Variants in MARCHF10 observed in about 807,000 individuals in gnomAD.
The protein encoded by MARCHF10 is probable E3 ubiquitin-protein ligase MARCHF10.
MARCHF10 carries 64 observed loss-of-function variants against 76.2 expected under a neutral mutation model. The observed-to-expected ratio is 0.84, with a 90% CI of 0.69 to 1.03. The LOEUF (loss-of-function observed/expected upper bound fraction) is 1.03. MARCHF10 is among the 50% of genes least tolerant of loss of function. The pLI, the probability that MARCHF10 is intolerant of heterozygous loss-of-function variation, is 0.00. For missense variants in MARCHF10, 875 were observed against 958.0 expected, an observed-to-expected ratio of 0.91 and a Z score of 1.14; for synonymous variants, 340 against 357.5, an observed-to-expected ratio of 0.95 and a Z score of 0.55.
chr17:62,793,458 CACCATCACCACCACCAT>C (rs2092916208), intron 2 of MARCHF10, among the ~76,000 whole-genome samples: 1 of 140,724 alleles, frequency 7.1e-6, no homozygotes, highest in Non-Finnish European at 1.6e-5. Flanking sequence ...CCATCACCAC[CACCATCACCACCACCAT>C]CACCACCACC....
At chr17:62,790,777 A>G (rs2092828720) in intron 2 of MARCHF10, among the ~76,000 whole-genome samples, 1 of 152,188 alleles carries the variant, frequency 6.6e-6, no homozygotes, top group South Asian at 2.1e-4. Context: ...AAGAATAGAA[A>G]TGACCCGATA....
intron 6 of MARCHF10, among the ~76,000 whole-genome samples, chr17:62,731,572 A>G (rs1568124529): frequency 6.6e-6 from 1 of 152,140 alleles, no homozygotes. Flanking sequence ...GCCAAGAATT[A>G]CTAATGACAA....
At chr17:62,737,689 C>A in intron 5 of MARCHF10, 2 of 209,222 alleles carry the variant, frequency 9.6e-6, no homozygotes, top group Non-Finnish European at 1.9e-5. Context: ...AAAGGGAAAA[C>A]CACCACTCTG....
intron 4 of MARCHF10, among the ~76,000 whole-genome samples, chr17:62,749,313 G>A (rs1243860815): frequency 6.6e-6 from 1 of 152,190 alleles, no homozygotes; most frequent in Non-Finnish European, 1.5e-5. Context: ...GTCATCCACA[G>A]ATAGTTCTTT....
intron 2 of MARCHF10, 59 bp from the exon 3 acceptor site, chr17:62,788,658 T>C (rs2092786852): frequency 1.9e-6 from 3 of 1,606,530 alleles, no homozygotes; most frequent in African/African-American, 2.7e-5. Flanking sequence ...TGGGTAACTT[T>C]ATGCTTAACT....
intron 3 of MARCHF10, among the ~76,000 whole-genome samples, chr17:62,779,100 G>A (rs1246001460): frequency 6.6e-6 from 1 of 152,258 alleles, no homozygotes; most frequent in East Asian, 1.9e-4. Context: ...GCAGAGCTGC[G>A]TTCTTACCCA....
chr17:62,807,601 A>G (rs2093182449), intron 1 of MARCHF10, among the ~76,000 whole-genome samples: 1 of 152,084 alleles, frequency 6.6e-6, no homozygotes, highest in Non-Finnish European at 1.5e-5. Context: ...CTTCTTTACA[A>G]ATAATTTAAA....
chr17:62,706,186 G>A (rs1206956911), intron 9 of MARCHF10: 2 of 152,940 alleles, frequency 1.3e-5, no homozygotes, highest in African/African-American at 4.8e-5. Flanking sequence ...ACAAAACAAG[G>A]GGTGCTGGAC....
intron 2 of MARCHF10, among the ~76,000 whole-genome samples, chr17:62,795,981 G>C (rs1166649628): frequency 6.6e-6 from 1 of 151,960 alleles, no homozygotes; most frequent in Non-Finnish European, 1.5e-5. Flanking sequence ...GAGTTACTGA[G>C]GGGTCACTAA....
At chr17:62,797,668 GT>G (rs1189656483) in intron 2 of MARCHF10, among the ~76,000 whole-genome samples, 1 of 152,188 alleles carries the variant, frequency 6.6e-6, no homozygotes, top group Non-Finnish European at 1.5e-5. Context: ...TTTTGCTTAG[GT>G]TTTGAGTCTT....
rs1028317766 is a variant in MARCHF10, at chr17:62,752,447, G to A, written c.382+7388C>T. Among the ~76,000 whole-genome samples the A allele has an allele frequency of 2.0e-5, 3 of 152,092 alleles. 1 individual carries two copies. Among genetic ancestry groups the A allele is most frequent in the Admixed American group, 1.3e-4 (2 of 15,264 alleles). Reference sequence around the variant, plus strand: ...CAGCTCAAAGGCAACACCGCAAAAGGGGACCCACCCTCTCCTTGCTTCCTC... The same window carrying A: ...CAGCTCAAAGGCAACACCGCAAAAGAGGACCCACCCTCTCCTTGCTTCCTC... On this transcript the variant is annotated intron_variant, in intron 4 of 10. Coordinates refer to ENST00000311269, the MANE Select transcript of MARCHF10 (RefSeq NM_152598.4).
At chr17:62,751,115 G>T (rs1486503531) in intron 4 of MARCHF10, among the ~76,000 whole-genome samples, 1 of 152,226 alleles carries the variant, frequency 6.6e-6, no homozygotes, top group Non-Finnish European at 1.5e-5. Flanking sequence ...TCTCGTTGAA[G>T]CTGATGATCT....
At chr17:62,787,479 T>C (rs1178902706) in intron 3 of MARCHF10, among the ~76,000 whole-genome samples, 2 of 152,202 alleles carry the variant, frequency 1.3e-5, no homozygotes, top group Non-Finnish European at 2.9e-5. Flanking sequence ...AAAAGGCATA[T>C]TACTCATCTT....
intron 6 of MARCHF10, among the ~76,000 whole-genome samples, chr17:62,731,272 G>A (rs968978081): frequency 4.0e-5 from 6 of 151,672 alleles, no homozygotes; most frequent in African/African-American, 1.5e-4. Flanking sequence ...ATTACTTTTT[G>A]TTTTTTTTGA....
chr17:62,760,095 AC>A lies in MARCHF10; in HGVS notation c.211-90del, dbSNP rs535290015. 2.3e-3 allele frequency: 2,463 copies of A among 1,069,524 alleles called. 13 individuals carry two copies. The highest frequency in any genetic ancestry group is 1.7e-3 in the Non-Finnish European group (1,229 of 714,546). The allele number at this position is 1,069,524 out of a possible 1,614,324, so 66.3% of individuals were successfully genotyped here. A position where few individuals can be genotyped will look rare whatever the true frequency, so the allele number is the denominator to read the frequency against. ...AAACAGAAATGAGGCAAATGCAGTG[AC>A]CCTCTCCAGCAATAATCCTAGAGTC... On this transcript the variant is annotated intron_variant, in intron 3 of 10. Coordinates refer to ENST00000311269, the MANE Select transcript of MARCHF10 (RefSeq NM_152598.4).
In MARCHF10 at chr17:62,736,189, G is replaced by C. The variant is rs147046907; in HGVS notation, c.1679C>G (p.Thr560Arg). ...TSQPQGAPLY[T>R]DLLLNPQGNL... ...GCCCTGTGGATTTAGTAAGAGATCT[G>C]TATATAGTGGAGCCCCCTGAGGCTG... Residue 560 changes from threonine to arginine, a missense_variant, in exon 6 of 11, where the codon ACA becomes AGA. Coordinates refer to ENST00000311269, the MANE Select transcript of MARCHF10 (RefSeq NM_152598.4). The C allele has an allele frequency of 3.1e-6, 5 of 1,614,086 alleles. No individual in the cohort carries two copies. Among genetic ancestry groups the C allele is most frequent in the Non-Finnish European group, 3.4e-6 (4 of 1,180,052 alleles).
intron 4 of MARCHF10, chr17:62,750,626 A>G (rs2091867248): frequency 6.6e-6 from 1 of 152,530 alleles, no homozygotes; most frequent in Non-Finnish European, 1.5e-5. Flanking sequence ...AAACTCAAAA[A>G]TTGTTCTCCA....
At chr17:62,764,936 C>G (rs2092293034) in intron 3 of MARCHF10, among the ~76,000 whole-genome samples, 1 of 152,152 alleles carries the variant, frequency 6.6e-6, no homozygotes, top group South Asian at 2.1e-4. Flanking sequence ...AGGTACCACC[C>G]ACCTGAATCA....
chr17:62,801,506 C>G, intron 2 of MARCHF10, 140 bp downstream of exon 2: 4 of 426,492 alleles, frequency 9.4e-6, no homozygotes, highest in South Asian at 2.1e-5. Flanking sequence ...GGTGAAGTGG[C>G]TTTTGCTAGT....
Sources: gnomAD v4.1 joint callset for allele counts (sites outside exome capture counted in the v4.1 genomes callset) on GRCh38, gnomAD v4.1.1 for gene constraint, MANE v1.5 for transcripts, NCBI Gene and HGNC (gene_info 2026-07-23, HGNC 2026-07-21) for gene names.